AQR: variants seen among roughly 807,000 people sequenced by gnomAD.
AQR encodes aquarius intron-binding spliceosomal factor, also known as RNA helicase aquarius.
In AQR, 61 loss-of-function variants were observed where a neutral mutation model predicts 180.5. That is an observed-to-expected ratio of 0.34 (90% CI 0.28 to 0.42). AQR has a LOEUF of 0.42. Among genes scored for constraint, AQR ranks in the 10% least tolerant of loss-of-function variants. AQR has a pLI of 1.00. For synonymous variants in AQR, 551 were observed against 588.8 expected, an observed-to-expected ratio of 0.94 and a Z score of 0.93; for missense variants, 1,281 against 1,798.3, an observed-to-expected ratio of 0.71 and a Z score of 5.20.
chr15:34,905,900 G>T (rs939815149), intron 18 of AQR, among the ~76,000 whole-genome samples: 4 of 151,938 alleles, frequency 2.6e-5, no homozygotes, highest in African/African-American at 9.7e-5. Flanking sequence ...AGCCAGGCGC[G>T]GTGGCAGGCA....
At chr15:34,962,269 G>T (rs57686144) in intron 2 of AQR, among the ~76,000 whole-genome samples, 26 of 151,990 alleles carry the variant, frequency 1.7e-4, no homozygotes, top group Non-Finnish European at 7.4e-5. Context: ...GTGACCTACC[G>T]CCTCAGCCTC....
chr15:34,933,731 C>T (rs1439935138), intron 10 of AQR, among the ~76,000 whole-genome samples: 1 of 152,086 alleles, frequency 6.6e-6, no homozygotes, highest in Non-Finnish European at 1.5e-5. Flanking sequence ...CATTTGAAAA[C>T]CTGAAGGGCC....
chr15:34,937,246 C>T (rs754751414), intron 9 of AQR, among the ~76,000 whole-genome samples: 2 of 120,392 alleles, frequency 1.7e-5, no homozygotes, highest in African/African-American at 5.0e-5. Flanking sequence ...ACTGTGGTCT[C>T]GATCTCCTGA....
At chr15:34,965,608 T>C (rs1033327157) in intron 1 of AQR, among the ~76,000 whole-genome samples, 1 of 152,054 alleles carries the variant, frequency 6.6e-6, no homozygotes. Flanking sequence ...GAGGTGGAGA[T>C]TGCAGTGAGC....
chr15:34,884,809 A>G, intron 25 of AQR, 75 bp from the exon 26 acceptor site: 1 of 1,160,170 alleles, frequency 8.6e-7, no homozygotes, highest in Non-Finnish European at 1.2e-6. Flanking sequence ...TAAATCTTAT[A>G]AAAACAAGAT....
Position 34,900,570 on chromosome 15 carries a change from C to T in AQR, c.2243+52G>A, listed in dbSNP as rs371060965. 238 of 1,571,208 alleles carry T rather than the reference C, an allele frequency of 1.5e-4. 1 individual carries two copies. The Middle Eastern group carries it at 1.7e-3, about 11-fold the overall frequency. ...TTAGCTAACAATCCTGATGGCATAA[C>T]GTACATTGACTACAGAATGCTGGAG... On this transcript the variant is annotated intron_variant, in intron 20 of 34. Transcript: ENST00000156471.
chr15:34,867,775 A>G (rs1892757484), intron 31 of AQR, 166 bp from the exon 32 acceptor site: 1 of 570,926 alleles, frequency 1.8e-6, no homozygotes, highest in African/African-American at 1.9e-5. Flanking sequence ...ATTATTAAAG[A>G]AACCATACTA....
At chr15:34,860,225 C>T in intron 33 of AQR, 70 bp from the exon 34 acceptor site, 1 of 680,200 alleles carries the variant, frequency 1.5e-6, no homozygotes, top group Non-Finnish European at 2.3e-6. Flanking sequence ...TCAACATAAA[C>T]CCATTTCTTA....
rs751208294 is a variant in AQR, at chr15:34,920,449, A to C, written c.1119-15T>G. 1 of 1,570,502 alleles carries C rather than the reference A, an allele frequency of 6.4e-7. No individual in the cohort carries two copies. Reference sequence around the variant, plus strand: ...GTGTGTTTGAACTGCAGAATAGAGAACAATATTTTATTCATAGTAACTTAC... The same window carrying C: ...GTGTGTTTGAACTGCAGAATAGAGACCAATATTTTATTCATAGTAACTTAC... On this transcript the variant is annotated splice_polypyrimidine_tract_variant and intron_variant, in intron 13 of 34. Coordinates refer to ENST00000156471, the MANE Select transcript of AQR (RefSeq NM_014691.3).
intron 14 of AQR, among the ~76,000 whole-genome samples, chr15:34,919,873 G>T (rs2140485984): frequency 6.6e-6 from 1 of 152,028 alleles, no homozygotes; most frequent in South Asian, 2.1e-4. Flanking sequence ...ACTCCAGCCT[G>T]GGCGACAGAG....
At chr15:34,865,659 C>T (rs911778981) in intron 32 of AQR, among the ~76,000 whole-genome samples, 18 of 152,116 alleles carry the variant, frequency 1.2e-4, no homozygotes, top group African/African-American at 4.1e-4. Context: ...TGGAAACAAC[C>T]CAATGTCCAA....
intron 3 of AQR, among the ~76,000 whole-genome samples, chr15:34,956,914 T>C (rs1220495026): frequency 1.3e-5 from 2 of 152,182 alleles, no homozygotes; most frequent in Non-Finnish European, 2.9e-5. Context: ...ATCTGGCACA[T>C]AGTAAGCACT....
At chr15:34,863,098 C>CTTTT (rs113629233) in intron 32 of AQR, 57 bp from the exon 33 acceptor site, 1 of 1,155,272 alleles carries the variant, frequency 8.7e-7, no homozygotes, top group Non-Finnish European at 1.2e-6. Context: ...ATTTAAGCAG[C>CTTTT]TTTTTTTTTT....
intron 20 of AQR, among the ~76,000 whole-genome samples, chr15:34,899,240 G>T (rs929180183): frequency 1.3e-5 from 2 of 152,088 alleles, no homozygotes; most frequent in African/African-American, 4.8e-5. Context: ...GGAGTTTTAT[G>T]GGAGTAAAAA....
At position 34,964,248 on chromosome 15, in the gene AQR, G is replaced by T; in HGVS notation, c.118C>A (p.Pro40Thr). Reference protein sequence around the residue: ...YWAPHIKKKSPFDIKVIEDIY... With the variant: ...YWAPHIKKKSTFDIKVIEDIY... ...AAAATACTTACCTTTATATCAAAAG[G>T]TGATTTCTTCTTGATGTGGGGAGCC... The change falls in exon 2 of 35, where the codon CCT (proline) becomes ACT (threonine). Residue 40 changes from proline (P) to threonine (T), a missense_variant. Physicochemically the swap from Pro to Thr is conservative, Grantham distance 38. Coordinates refer to ENST00000156471, the MANE Select transcript of AQR (RefSeq NM_014691.3). 1.9e-6 allele frequency: 3 copies of T among 1,606,496 alleles called. No homozygotes were observed. The highest frequency in any genetic ancestry group is 2.6e-6 in the Non-Finnish European group (3 of 1,174,476).
rs1892537956 is a variant in AQR at position 34,853,207 on chromosome 15, G to C, written c.*3585C>G. On this transcript the variant is annotated 3_prime_UTR_variant, in exon 35 of 35. Transcript: ENST00000156471. ...GCCAAGCATTTTTCACAGGAAGCAAGGCACTGCTCTTCTGGCTTATGCAAA... is the reference window on the plus strand; with the variant it reads ...GCCAAGCATTTTTCACAGGAAGCAACGCACTGCTCTTCTGGCTTATGCAAA... 1 of 150,934 alleles carries C rather than the reference G, an allele frequency of 6.6e-6. No homozygotes were observed. The highest frequency in any genetic ancestry group is 2.4e-5 in the African/African-American group (1 of 40,992). The allele number at this position is 150,934 out of a possible 1,614,324, so 9.3% of individuals were successfully genotyped here. A position where few individuals can be genotyped will look rare whatever the true frequency, so the allele number is the denominator to read the frequency against.
At position 34,945,716 on chromosome 15, in the gene AQR, T is replaced by C. The variant is rs145656565; in HGVS notation, c.331-1288A>G. Among the ~76,000 whole-genome samples the C allele has an allele frequency of 4.3e-4, 66 of 152,360 alleles. 1 individual carries two copies. The highest frequency in any genetic ancestry group is 1.5e-3 in the African/African-American group (62 of 41,580). Reference sequence around the variant, plus strand: ...AATGAATATTTGAGATAAGTGTCCATGGTTTTATCTTAAAGACTCTATCAC... The same window carrying C: ...AATGAATATTTGAGATAAGTGTCCACGGTTTTATCTTAAAGACTCTATCAC... On this transcript the variant is annotated intron_variant, in intron 5 of 34. Coordinates refer to ENST00000156471, the MANE Select transcript of AQR (RefSeq NM_014691.3).
chr15:34,933,026 C>A (rs1279973546), intron 10 of AQR, among the ~76,000 whole-genome samples: 1 of 152,130 alleles, frequency 6.6e-6, no homozygotes, highest in Non-Finnish European at 1.5e-5. Context: ...AGTTTTCCAA[C>A]AAAATCCTAC....
intron 1 of AQR, among the ~76,000 whole-genome samples, chr15:34,965,347 C>T (rs1294075591): frequency 6.6e-6 from 1 of 152,172 alleles, no homozygotes; most frequent in African/African-American, 2.4e-5. Context: ...GGAATAGCCT[C>T]TAAAAATATT....
Sources: gnomAD v4.1 joint callset for allele counts (sites outside exome capture counted in the v4.1 genomes callset) on GRCh38, gnomAD v4.1.1 for gene constraint, MANE v1.5 for transcripts, NCBI Gene and HGNC (gene_info 2026-07-23, HGNC 2026-07-21) for gene names.